Variants in IFIH1 observed in about 807,000 individuals in gnomAD.
IFIH1 encodes interferon induced with helicase C domain 1.
IFIH1 carries 125 observed loss-of-function variants against 107.4 expected under a neutral mutation model. The observed-to-expected ratio is 1.16, with a 90% CI of 1.01 to 1.35. IFIH1 has a LOEUF of 1.35. Among genes scored for constraint, IFIH1 ranks in the 40% most tolerant of loss-of-function variants. The pLI, the probability that IFIH1 is intolerant of heterozygous loss-of-function variation, is 0.00. For missense variants in IFIH1, 1,333 were observed against 1,213.7 expected (o/e 1.10, Z -1.46); for synonymous variants, 458 against 413.2 (o/e 1.11, Z -1.31).
chr2:162,306,943 A>C, intron 2 of IFIH1, 88 bp from the exon 3 acceptor site: 1 of 1,161,952 alleles, frequency 8.6e-7, no homozygotes, highest in East Asian at 2.4e-5. Flanking sequence ...TTTGAAAACA[A>C]ACTAGAGGTT....
At chr2:162,297,017 T>C (rs963399273) in intron 3 of IFIH1, among the ~76,000 whole-genome samples, 9 of 152,088 alleles carry the variant, frequency 5.9e-5, no homozygotes, top group Admixed American at 5.9e-4. Flanking sequence ...CATTTTGATA[T>C]ACGTTTTTGC....
rs1474848285 is a variant in IFIH1 at position 162,281,377 on chromosome 2, C to A, written c.1475G>T (p.Gly492Val). ...GGCTTGCTTCGTGGCCCCTCCAACA[C>A]CAGGTGAAGCTGTTAGTCCCAGTAT... Reference protein sequence around the residue: ...PQILGLTASPGVGGATKQAKA... With the variant: ...PQILGLTASPVVGGATKQAKA... Residue 492 changes from glycine to valine, a missense_variant, in exon 7 of 16, where the codon GGT becomes GTT. Gly to Val is a moderately radical substitution (Grantham distance 109). Transcript: ENST00000649979. 1.2e-6 allele frequency: 2 copies of A among 1,612,626 alleles called. No homozygotes were observed. The highest frequency in any genetic ancestry group is 8.5e-7 in the Non-Finnish European group (1 of 1,179,134).
At chr2:162,303,567 G>A (rs1683228396) in intron 3 of IFIH1, among the ~76,000 whole-genome samples, 1 of 151,688 alleles carries the variant, frequency 6.6e-6, no homozygotes, top group Non-Finnish European at 1.5e-5. Flanking sequence ...GAAAATAGTT[G>A]TTAAATGAAA....
intron 8 of IFIH1, 101 bp from the exon 9 acceptor site, chr2:162,278,429 T>C: frequency 1.5e-6 from 1 of 666,392 alleles, no homozygotes; most frequent in Non-Finnish European, 2.4e-6. Context: ...ATCTGATTCA[T>C]CTTTGTTTAG....
rs1690943808 is a variant in IFIH1 at position 162,267,338 on chromosome 2, A to C, written c.2940T>G (p.Pro980=). 3 of 1,613,194 alleles carry C rather than the reference A, an allele frequency of 1.9e-6. No homozygotes were observed. Among genetic ancestry groups the C allele is most frequent in the Non-Finnish European group, 2.5e-6 (3 of 1,179,792 alleles). The change falls in exon 16 of 16, where the codon CCT becomes CCG. Residue 980 remains proline (P), a synonymous_variant. Coordinates refer to ENST00000649979, the MANE Select transcript of IFIH1 (RefSeq NM_022168.4). The part of the protein sequence containing the change: ...TMMVHKGLDL[P]CLKIRNFVVV... ...CTACAAAATTCCTTATTTTGAGACAAGGCAAATCTAAGCCTTTGTGCACCA... is the reference window on the plus strand; with the variant it reads ...CTACAAAATTCCTTATTTTGAGACACGGCAAATCTAAGCCTTTGTGCACCA...
intron 3 of IFIH1, among the ~76,000 whole-genome samples, chr2:162,305,327 TGGGAGGCCGAGTG>T (rs756915185): frequency 2.6e-5 from 4 of 152,156 alleles, no homozygotes; most frequent in Non-Finnish European, 5.9e-5. Context: ...CCCAGCACTT[TGGGAGGCCGAGTG>T]GGGGGGATCA....
At chr2:162,283,728 C>T (rs1326089231) in intron 5 of IFIH1, among the ~76,000 whole-genome samples, 2 of 151,924 alleles carry the variant, frequency 1.3e-5, no homozygotes, top group African/African-American at 4.8e-5. Context: ...GGCTGATCCC[C>T]CTGGCTAAAG....
At position 162,277,694 on chromosome 2, in the gene IFIH1, C is replaced by T; in HGVS notation, c.1766-1G>A. 2 of 1,598,576 alleles carry T rather than the reference C, an allele frequency of 1.3e-6. No individual in the cohort carries two copies. The highest frequency in any genetic ancestry group is 1.7e-4 in the Middle Eastern group (1 of 5,952). Reference sequence around the variant, plus strand: ...TCTTTGCGATTTCCTTCTTTTGCAGCTGTGAAAAAATATATTATGTAAGTG... The same window carrying T: ...TCTTTGCGATTTCCTTCTTTTGCAGTTGTGAAAAAATATATTATGTAAGTG... On this transcript the variant is annotated splice_acceptor_variant, in intron 9 of 15. Coordinates refer to ENST00000649979, the MANE Select transcript of IFIH1 (RefSeq NM_022168.4). LOFTEE classifies it high-confidence loss of function.
chr2:162,271,374 G>A (rs112395148), intron 13 of IFIH1, among the ~76,000 whole-genome samples: 17 of 149,392 alleles, frequency 1.1e-4, no homozygotes, highest in African/African-American at 3.2e-4. Flanking sequence ...ACCAAACCCC[G>A]CATGTTCTCA....
intron 5 of IFIH1, among the ~76,000 whole-genome samples, chr2:162,284,780 C>T (rs1292849865): frequency 6.6e-6 from 1 of 151,940 alleles, no homozygotes; most frequent in African/African-American, 2.4e-5. Flanking sequence ...TATCTCTCAT[C>T]TTTCTTCTAG....
chr2:162,296,466 G>A (rs1001448978), intron 3 of IFIH1, among the ~76,000 whole-genome samples: 5 of 152,098 alleles, frequency 3.3e-5, no homozygotes, highest in African/African-American at 1.2e-4. Flanking sequence ...CCAAGGCGCT[G>A]AGAGGTTAAC....
rs559069227 is a variant in IFIH1, at chr2:162,267,476, C to T, written c.2898+3G>A. 14 of 1,613,324 alleles carry T rather than the reference C, an allele frequency of 8.7e-6. No homozygotes were observed. The African/African-American group carries it at 1.6e-4, about 18-fold the overall frequency. Reference sequence around the variant, plus strand: ...AAAATCTGGCCCACAGCAATTTACTCACCTGGCCACATTTGCAGATGATTT... The same window carrying T: ...AAAATCTGGCCCACAGCAATTTACTTACCTGGCCACATTTGCAGATGATTT... On this transcript the variant is annotated splice_donor_region_variant and intron_variant, in intron 15 of 15. Coordinates refer to ENST00000649979, the MANE Select transcript of IFIH1 (RefSeq NM_022168.4).
chr2:162,303,056 C>T (rs1410252523), intron 3 of IFIH1, among the ~76,000 whole-genome samples: 2 of 152,152 alleles, frequency 1.3e-5, no homozygotes, highest in East Asian at 1.9e-4. Context: ...TGTAGCTATA[C>T]AGTTACTACT....
In IFIH1 at chr2:162,277,684, T is replaced by A; in HGVS notation, c.1775A>T (p.Glu592Val). The A allele has an allele frequency of 6.2e-7, 1 of 1,602,514 alleles. No individual in the cohort carries two copies. Among genetic ancestry groups the A allele is most frequent in the Non-Finnish European group, 8.5e-7 (1 of 1,174,886 alleles). Reference protein sequence around the residue: ...AIQMEKKAAKEGNRKERVCAE... With the variant: ...AIQMEKKAAKVGNRKERVCAE... Reference sequence around the variant, plus strand: ...ACAAACACGTTCTTTGCGATTTCCTTCTTTTGCAGCTGTGAAAAAATATAT... The same window carrying A: ...ACAAACACGTTCTTTGCGATTTCCTACTTTTGCAGCTGTGAAAAAATATAT... Residue 592 changes from glutamate to valine, a missense_variant, in exon 10 of 16, where the codon GAA becomes GTA. Physicochemically the swap from Glu to Val is moderately radical, Grantham distance 121. Coordinates refer to ENST00000649979, the MANE Select transcript of IFIH1 (RefSeq NM_022168.4).
intron 8 of IFIH1, among the ~76,000 whole-genome samples, chr2:162,279,787 C>T (rs748561492): frequency 6.6e-6 from 1 of 151,876 alleles, no homozygotes; most frequent in Non-Finnish European, 1.5e-5. Flanking sequence ...TAAGCTATTC[C>T]TCATGTAAAT....
chr2:162,280,001 TG>T lies in IFIH1; in HGVS notation c.1635del (p.Arg546GlufsTer10). ...PCKKFAIADA[T>X]REDPFKEKLL... Reference sequence around the variant, plus strand: ...ATAAAACATTAAGCCCATACTTCTCTGGTTGCATCTGCAATGGCAAACTTCT... The same window carrying T: ...ATAAAACATTAAGCCCATACTTCTCTGTTGCATCTGCAATGGCAAACTTCT... On this transcript the variant is annotated frameshift_variant, in exon 8 of 16. Transcript: ENST00000649979. LOFTEE classifies it high-confidence loss of function. 2 of 1,548,154 alleles carry T rather than the reference TG, an allele frequency of 1.3e-6. No homozygotes were observed. Among genetic ancestry groups the T allele is most frequent in the Non-Finnish European group, 1.8e-6 (2 of 1,120,488 alleles).
At chr2:162,304,829 C>T (rs1433281799) in intron 3 of IFIH1, among the ~76,000 whole-genome samples, 1 of 152,174 alleles carries the variant, frequency 6.6e-6, no homozygotes, top group South Asian at 2.1e-4. Flanking sequence ...AATAAGCACT[C>T]ATATCCCATA....
rs1370550497 is a variant in IFIH1 at position 162,278,227 on chromosome 2, C to T, written c.1743G>A (p.Trp581Ter). Residue 581 changes from tryptophan to a stop codon, truncating the protein, a stop_gained, in exon 9 of 16, where the codon TGG becomes TGA. Transcript: ENST00000649979. LOFTEE classifies it high-confidence loss of function. ...SDFGTQPYEQ[W>*]AIQMEKKAAK... ...TACCTTTTTTTTCCATTTGAATGGC[C>T]CATTGTTCATAGGGTTGAGTTCCAA... 3 of 1,605,048 alleles carry T rather than the reference C, an allele frequency of 1.9e-6. No individual in the cohort carries two copies. Among genetic ancestry groups the T allele is most frequent in the Non-Finnish European group, 2.5e-6 (3 of 1,176,992 alleles).
At chr2:162,303,271 T>A (rs918684414) in intron 3 of IFIH1, among the ~76,000 whole-genome samples, 6 of 152,152 alleles carry the variant, frequency 3.9e-5, no homozygotes, top group African/African-American at 1.4e-4. Flanking sequence ...TCTGCCACCA[T>A]GCTCGGCTAA....
Sources: gnomAD v4.1 joint callset for allele counts (sites outside exome capture counted in the v4.1 genomes callset) on GRCh38, gnomAD v4.1.1 for gene constraint, MANE v1.5 for transcripts, NCBI Gene and HGNC (gene_info 2026-07-23, HGNC 2026-07-21) for gene names.